Variants in TTC23 observed in about 807,000 individuals in gnomAD.
The protein encoded by TTC23 is tetratricopeptide repeat protein 23.
Under a neutral mutation model 55.1 loss-of-function variants are expected in TTC23, and 58 were observed. The ratio of observed to expected loss-of-function variants is 1.05; its 90% CI spans 0.85 to 1.31. The LOEUF is 1.31. Ranked by LOEUF, TTC23 falls within the 50% of genes most tolerant of loss-of-function variation. The pLI is 0.00. For synonymous variants in TTC23, 203 were observed against 199.9 expected (o/e 1.02, Z -0.13); for missense variants, 516 against 534.4 (o/e 0.97, Z 0.34).
At position 99,187,452 on chromosome 15, in the gene TTC23, C is replaced by CAAAAAAAAAAAAAAAAA. The variant is rs66568931; in HGVS notation, c.760-12298_760-12297insTTTTTTTTTTTTTTTTT. On this transcript the variant is annotated intron_variant, in intron 9 of 13. Coordinates refer to ENST00000394132, the MANE Select transcript of TTC23 (RefSeq NM_001288615.3). ...GGAGATGTGATGCCAAAAGCACAAG[C>CAAAAAAAAAAAAAAAAA]AAAAAAAAAAAAAAAACAAAACAAA... Among the ~76,000 whole-genome samples the CAAAAAAAAAAAAAAAAA allele has an allele frequency of 3.7e-3, 164 of 44,416 alleles. 13 individuals are homozygous for CAAAAAAAAAAAAAAAAA. Among genetic ancestry groups the CAAAAAAAAAAAAAAAAA allele is most frequent in the East Asian group, 6.0e-3 (9 of 1,488 alleles). 29.1% of individuals were successfully genotyped at this position (44,416 alleles called of 152,430 possible).
intron 9 of TTC23, among the ~76,000 whole-genome samples, chr15:99,180,698 G>C (rs1394973577): frequency 6.6e-6 from 1 of 152,178 alleles, no homozygotes; most frequent in African/African-American, 2.4e-5. Context: ...GGATGGGGTG[G>C]GTCTTGGGGG....
At chr15:99,145,621 G>C (rs927641364) in intron 12 of TTC23, among the ~76,000 whole-genome samples, 4 of 152,030 alleles carry the variant, frequency 2.6e-5, no homozygotes, top group African/African-American at 9.7e-5. Flanking sequence ...GGAATTCCGA[G>C]TGTTTGTTTG....
intron 8 of TTC23, among the ~76,000 whole-genome samples, chr15:99,200,494 C>T (rs1217520846): frequency 1.3e-5 from 2 of 152,150 alleles, no homozygotes; most frequent in Non-Finnish European, 2.9e-5. Context: ...CTGTTAAATA[C>T]TTTACAAAAC....
intron 8 of TTC23, among the ~76,000 whole-genome samples, chr15:99,207,115 A>G (rs1348021976): frequency 6.6e-6 from 1 of 152,200 alleles, no homozygotes; most frequent in East Asian, 1.9e-4. Context: ...TATGTTTGAG[A>G]GAAAACATAT....
intron 5 of TTC23, among the ~76,000 whole-genome samples, chr15:99,224,269 A>G (rs188479081): frequency 6.6e-6 from 1 of 152,362 alleles, no homozygotes; most frequent in African/African-American, 2.4e-5. Context: ...ACAGATAAGC[A>G]AAAAGATAAA....
chr15:99,197,264 G>A (rs986031734), intron 9 of TTC23, among the ~76,000 whole-genome samples: 17 of 151,946 alleles, frequency 1.1e-4, no homozygotes, highest in East Asian at 1.9e-4. Flanking sequence ...CACCATGCCC[G>A]GCTAATTTTT....
chr15:99,228,991 C>T (rs1179079484), intron 4 of TTC23, among the ~76,000 whole-genome samples: 1 of 151,970 alleles, frequency 6.6e-6, no homozygotes, highest in African/African-American at 2.4e-5. Context: ...AACACACATA[C>T]ATACATGTAT....
intron 10 of TTC23, among the ~76,000 whole-genome samples, chr15:99,167,624 T>C (rs2072311518): frequency 6.6e-6 from 1 of 152,118 alleles, no homozygotes. Context: ...GATGTACGTA[T>C]ACAGGCAAAA....
At chr15:99,228,995 C>T (rs1446268055) in intron 4 of TTC23, among the ~76,000 whole-genome samples, 1 of 151,960 alleles carries the variant, frequency 6.6e-6, no homozygotes, top group Non-Finnish European at 1.5e-5. Context: ...CACATACATA[C>T]ATGTATATGT....
At chr15:99,138,909 G>A (rs2067874318) in intron 13 of TTC23, among the ~76,000 whole-genome samples, 3 of 152,234 alleles carry the variant, frequency 2.0e-5, no homozygotes, top group Non-Finnish European at 4.4e-5. Flanking sequence ...TGCTCGGGCT[G>A]AGAAAGGACG....
intron 5 of TTC23, among the ~76,000 whole-genome samples, chr15:99,225,889 A>G (rs1470011583): frequency 6.6e-6 from 1 of 152,244 alleles, no homozygotes; most frequent in Non-Finnish European, 1.5e-5. Context: ...CAAGGTTGGC[A>G]TCACTGTACG....
intron 8 of TTC23, among the ~76,000 whole-genome samples, chr15:99,213,580 T>A (rs548469035): frequency 6.6e-6 from 1 of 152,342 alleles, no homozygotes; most frequent in East Asian, 1.9e-4. Flanking sequence ...GAATACCTAA[T>A]TTCTGGCAGG....
At chr15:99,193,590 G>T (rs2075430208) in intron 9 of TTC23, among the ~76,000 whole-genome samples, 1 of 152,146 alleles carries the variant, frequency 6.6e-6, no homozygotes, top group African/African-American at 2.4e-5. Context: ...TCTTTCTTTT[G>T]TAAGTTGCCC....
chr15:99,182,164 C>T (rs572660286), intron 9 of TTC23, among the ~76,000 whole-genome samples: 238 of 151,180 alleles, frequency 1.6e-3, no homozygotes, highest in African/African-American at 5.5e-3. Flanking sequence ...CCTGCCTTAA[C>T]CTCTTTTTCT....
intron 12 of TTC23, chr15:99,155,560 CTG>C (rs1472378722): frequency 6.6e-6 from 1 of 152,266 alleles, no homozygotes; most frequent in Non-Finnish European, 1.5e-5. Flanking sequence ...TATAAAATCT[CTG>C]TAATTAAAAC....
chr15:99,156,080 G>A (rs757699892), intron 12 of TTC23, 68 bp downstream of exon 12: 16 of 1,602,662 alleles, frequency 1.0e-5, no homozygotes, highest in Admixed American at 3.4e-5. Context: ...CCACCACAAG[G>A]GAGAGAAATT....
At chr15:99,227,683 G>A (rs1007732839) in intron 5 of TTC23, among the ~76,000 whole-genome samples, 1 of 152,148 alleles carries the variant, frequency 6.6e-6, no homozygotes, top group African/African-American at 2.4e-5. Flanking sequence ...CTTGCCCTGT[G>A]TCACTAACAC....
chr15:99,176,254 A>G (rs570914867), intron 9 of TTC23, among the ~76,000 whole-genome samples: 11 of 152,350 alleles, frequency 7.2e-5, no homozygotes, highest in Middle Eastern at 3.4e-3. Flanking sequence ...AAGATAATAC[A>G]CTAATGTGAG....
chr15:99,226,198 A>G (rs2078397557), intron 5 of TTC23, among the ~76,000 whole-genome samples: 1 of 152,226 alleles, frequency 6.6e-6, no homozygotes, highest in Non-Finnish European at 1.5e-5. Context: ...TTTTCTGTAA[A>G]GGACATTATT....
Sources: allele counts gnomAD v4.1 joint callset (sites outside exome capture counted in the v4.1 genomes callset), GRCh38; gene constraint gnomAD v4.1.1; transcripts MANE v1.5; gene names NCBI Gene and HGNC (gene_info 2026-07-23, HGNC 2026-07-21).